DNAH12: variants seen among roughly 807,000 people sequenced by gnomAD.
DNAH12 encodes dynein axonemal heavy chain 12.
DNAH12 carries 285 observed loss-of-function variants against 371.5 expected under a neutral mutation model. The observed-to-expected ratio is 0.77, with a 90% CI of 0.70 to 0.85. The LOEUF (loss-of-function observed/expected upper bound fraction) is 0.85, where lower values mean the gene tolerates loss of function less well. Ranked by LOEUF, DNAH12 falls within the 40% of genes least tolerant of loss-of-function variation. The pLI is 0.00. For synonymous variants in DNAH12, 1,200 were observed against 1,213.0 expected (o/e 0.99, Z 0.22); for missense variants, 3,611 against 3,689.4 (o/e 0.98, Z 0.55).
chr3:57,309,254 G>A lies in DNAH12; in HGVS notation c.11086C>T (p.Leu3696Phe). The A allele has an allele frequency of 3.9e-6, 6 of 1,538,330 alleles. No individual in the cohort carries two copies. The highest frequency in any genetic ancestry group is 2.5e-5 in the East Asian group (1 of 40,814). The change falls in exon 69 of 74, where the codon CTC (leucine) becomes TTC (phenylalanine). Residue 3696 changes from leucine to phenylalanine, a missense_variant and splice_region_variant. This residue lies in a region of DNAH12 where 2,266 missense variants were observed against 2,236.9 expected (regional missense o/e 1.01). Transcript: ENST00000495027. ...LEITKDILNK[L>F]PSDFDIEMAL... ...ATTTCAATGTCGAAATCACTAGGGA[G>A]CTAAAAGAATAGATTTTGAAGATCA...
At chr3:57,360,693 C>T (rs1162867779) in intron 58 of DNAH12, among the ~76,000 whole-genome samples, 4 of 144,778 alleles carry the variant, frequency 2.8e-5, no homozygotes, top group Admixed American at 1.4e-4. Context: ...GTAACAACAA[C>T]AACAACAACA....
rs368193181 is a variant in DNAH12 at position 57,511,901 on chromosome 3, A to G, written c.280-922T>C. On this transcript the variant is annotated intron_variant, in intron 4 of 73. Coordinates refer to ENST00000495027, the MANE Select transcript of DNAH12 (RefSeq NM_001366028.2). ...GATAAAATAATTCATACCTTCCACC[A>G]TACATAAGAACAAACTCCAGGATTT... Among the ~76,000 whole-genome samples the G allele has an allele frequency of 8.5e-5, 13 of 152,268 alleles. No homozygotes were observed. The East Asian group carries it at 2.5e-3, about 29-fold the overall frequency.
intron 39 of DNAH12, among the ~76,000 whole-genome samples, chr3:57,412,126 T>C (rs72879656): frequency 6.6e-6 from 1 of 152,138 alleles, no homozygotes; most frequent in South Asian, 2.1e-4. Context: ...ATACCTATAA[T>C]CCCAGCTACC....
intron 18 of DNAH12, among the ~76,000 whole-genome samples, chr3:57,462,193 C>T (rs565469449): frequency 1.1e-3 from 172 of 152,226 alleles, no homozygotes; most frequent in Non-Finnish European, 1.9e-3. Flanking sequence ...AGTCATTTCT[C>T]GTCTGGATTC....
chr3:57,430,100 A>G (rs1259604450), intron 32 of DNAH12, among the ~76,000 whole-genome samples: 1 of 152,170 alleles, frequency 6.6e-6, no homozygotes, highest in East Asian at 1.9e-4. Flanking sequence ...ATTAAGTGAA[A>G]TACTCCTGAA....
At chr3:57,395,890 G>A (rs1055997036) in intron 43 of DNAH12, among the ~76,000 whole-genome samples, 2,605 of 152,130 alleles carry the variant, frequency 0.017, 76 homozygotes, top group African/African-American at 0.058. Flanking sequence ...CTGGGAGGTT[G>A]AGGCTGCAGT....
chr3:57,549,419 A>G, the DNAH12 span, among the ~76,000 whole-genome samples: 277 of 150,242 alleles, frequency 1.8e-3, 3 homozygotes, highest in African/African-American at 6.4e-3. Context: ...TGGGAGGCTG[A>G]CGTGGGAGAA....
At chr3:57,405,566 G>T in intron 41 of DNAH12, 87 bp downstream of exon 41, 1 of 1,351,612 alleles carries the variant, frequency 7.4e-7, no homozygotes, top group Non-Finnish European at 9.9e-7. Context: ...TGTTCATTAA[G>T]AAATGATTTT....
Position 57,408,461 on chromosome 3 carries a change from C to A in DNAH12, c.6095G>T (p.Gly2032Val), listed in dbSNP as rs1553681985. 1.3e-6 allele frequency: 2 copies of A among 1,551,536 alleles called. No individual in the cohort carries two copies. Among genetic ancestry groups the A allele is most frequent in the East Asian group, 4.9e-5 (2 of 40,912 alleles). ...ELIAAMGPPG[G>V]GRNPVTPRCI... The stretch of plus-strand genomic sequence containing the variant: ...ACGGGGAGTAACTGGATTTCTTCCA[C>A]CACCTGGAGGGCCCATTGCAGCAAT... Residue 2032 changes from glycine to valine, a missense_variant, in exon 40 of 74, where the codon GGT (glycine) becomes GTT (valine). Around this residue, in one of 3 missense-constraint regions of DNAH12, gnomAD observed 2,266 missense variants for 2,236.9 expected, o/e 1.01. Coordinates refer to ENST00000495027, the MANE Select transcript of DNAH12 (RefSeq NM_001366028.2).
At chr3:57,321,147 G>A (rs950287917) in intron 65 of DNAH12, among the ~76,000 whole-genome samples, 2 of 151,950 alleles carry the variant, frequency 1.3e-5, no homozygotes, top group South Asian at 2.1e-4. Flanking sequence ...TCTTGCCCTC[G>A]CTCTTCTAAT....
At chr3:57,515,768 T>C (rs2068169997) in intron 4 of DNAH12, among the ~76,000 whole-genome samples, 1 of 152,060 alleles carries the variant, frequency 6.6e-6, no homozygotes, top group African/African-American at 2.4e-5. Context: ...AAAGAAATGA[T>C]AGAAAAATTA....
intron 25 of DNAH12, among the ~76,000 whole-genome samples, chr3:57,447,434 T>G (rs142037510): frequency 6.6e-6 from 1 of 152,230 alleles, no homozygotes; most frequent in East Asian, 1.9e-4. Flanking sequence ...AAATTTAACT[T>G]CTTTTAGAAA....
chr3:57,371,241 G>C (rs943844169), intron 55 of DNAH12, among the ~76,000 whole-genome samples: 1,964 of 152,078 alleles, frequency 0.013, 39 homozygotes, highest in African/African-American at 0.044. Context: ...CCCAACTGAA[G>C]TTTAGTTTTT....
intron 2 of DNAH12, chr3:57,530,419 C>A: frequency 1.6e-6 from 1 of 621,972 alleles, no homozygotes; most frequent in Non-Finnish European, 2.9e-6. Context: ...TAGCCATCTG[C>A]TGGGCCACAC....
chr3:57,438,920 A>G (rs1191076135), intron 29 of DNAH12, among the ~76,000 whole-genome samples: 1 of 148,384 alleles, frequency 6.7e-6, no homozygotes, highest in Non-Finnish European at 1.5e-5. Flanking sequence ...GTCTCAGACA[A>G]AAAAAAAAAA....
chr3:57,322,845 G>A (rs895116035), intron 64 of DNAH12, among the ~76,000 whole-genome samples, 162 bp downstream of exon 64: 9 of 152,220 alleles, frequency 5.9e-5, no homozygotes, highest in African/African-American at 9.6e-5. Context: ...CAGGAGAATC[G>A]CTTGAACCCG....
At chr3:57,359,083 C>T (rs965643471) in intron 58 of DNAH12, among the ~76,000 whole-genome samples, 4 of 152,036 alleles carry the variant, frequency 2.6e-5, no homozygotes, top group African/African-American at 4.8e-5. Context: ...TGCACCCGGC[C>T]GTAATTTTTA....
chr3:57,471,720 C>A, intron 14 of DNAH12, 114 bp from the exon 15 acceptor site: 1 of 890,750 alleles, frequency 1.1e-6, no homozygotes, highest in Non-Finnish European at 1.5e-6. Flanking sequence ...AAAATGAGTA[C>A]AAAAATAAAA....
chr3:57,467,020 ACT>A (rs2066223666), intron 17 of DNAH12, among the ~76,000 whole-genome samples: 1 of 151,954 alleles, frequency 6.6e-6, no homozygotes, highest in Non-Finnish European at 1.5e-5. Context: ...CTCCCAAAGC[ACT>A]GGGATTACAG....
Sources: allele counts gnomAD v4.1 joint callset (sites outside exome capture counted in the v4.1 genomes callset), GRCh38; gene constraint gnomAD v4.1.1; regional missense constraint gnomAD v4.1.1; transcripts MANE v1.5; gene names NCBI Gene and HGNC (gene_info 2026-07-23, HGNC 2026-07-21).